MEP1B: variants seen among roughly 807,000 people sequenced by gnomAD.
MEP1B encodes meprin A subunit beta, also known as N-benzoyl-L-tyrosyl-P-amino-benzoic acid hydrolase subunit beta.
Under a neutral mutation model 84.6 loss-of-function variants are expected in MEP1B, and 80 were observed. The ratio of observed to expected loss-of-function variants is 0.95; its 90% CI spans 0.79 to 1.14. The LOEUF is 1.14. Ranked by LOEUF, MEP1B falls within the 50% of genes most tolerant of loss-of-function variation. The pLI, the probability that MEP1B is intolerant of heterozygous loss-of-function variation, is 0.00. For synonymous variants in MEP1B, 273 were observed against 288.1 expected (o/e 0.95, Z 0.53); for missense variants, 766 against 855.1 (o/e 0.90, Z 1.30).
chr18:32,220,182 A>G (rs769553406), intron 14 of MEP1B, 49 bp from the exon 15 acceptor site: 7 of 1,499,600 alleles, frequency 4.7e-6, no homozygotes, highest in Non-Finnish European at 6.4e-6. Context: ...TTTAAATAGC[A>G]GTTTTTAAAT....
At chr18:32,213,778 T>C (rs140419365) in intron 11 of MEP1B, among the ~76,000 whole-genome samples, 94 of 152,318 alleles carry the variant, frequency 6.2e-4, no homozygotes, top group Middle Eastern at 3.4e-3. Flanking sequence ...AAATGCTGAC[T>C]GTATTCCTAA....
chr18:32,209,109 A>G (rs2144412590), intron 9 of MEP1B, among the ~76,000 whole-genome samples: 1 of 152,312 alleles, frequency 6.6e-6, no homozygotes, highest in Non-Finnish European at 1.5e-5. Flanking sequence ...CTCTTTCATA[A>G]ATCGCCTGCT....
At chr18:32,195,281 C>T (rs2040841084) in intron 4 of MEP1B, 126 bp from the exon 5 acceptor site, 2 of 641,252 alleles carry the variant, frequency 3.1e-6, no homozygotes, top group Non-Finnish European at 5.6e-6. Flanking sequence ...CACACACACA[C>T]ACACACACAA....
At chr18:32,217,141 T>C in intron 13 of MEP1B, 24 bp downstream of exon 13, 5 of 1,607,326 alleles carry the variant, frequency 3.1e-6, no homozygotes, top group Non-Finnish European at 4.3e-6. Flanking sequence ...GAAAGAGATC[T>C]CTCCATTCTT....
At chr18:32,218,791 C>T (rs943553954) in intron 14 of MEP1B, among the ~76,000 whole-genome samples, 1 of 152,060 alleles carries the variant, frequency 6.6e-6, no homozygotes, top group Non-Finnish European at 1.5e-5. Context: ...AAGGGGGCTG[C>T]CCTCAAAGAG....
rs114015324 is a variant in MEP1B at position 32,218,610 on chromosome 18, C to T, written c.2091+645C>T. Among the ~76,000 whole-genome samples the T allele has an allele frequency of 1.2e-3, 189 of 152,204 alleles. 1 individual carries two copies. The highest frequency in any genetic ancestry group is 3.8e-3 in the African/African-American group (156 of 41,528). On this transcript the variant is annotated intron_variant, in intron 14 of 14. Coordinates refer to ENST00000269202, the MANE Select transcript of MEP1B (RefSeq NM_005925.3). ...TTTATTGGGGAGGGCTCCTGGAACA[C>T]GTATAATAGGCTGAGGGAGCTGGCC...
intron 1 of MEP1B, among the ~76,000 whole-genome samples, chr18:32,190,812 T>G (rs1387291208): frequency 2.6e-5 from 4 of 152,158 alleles, no homozygotes; most frequent in Non-Finnish European, 5.9e-5. Flanking sequence ...CATTCCTCTA[T>G]GAGTGTATGC....
chr18:32,196,367 G>T lies in MEP1B; in HGVS notation c.250+882G>T. The T allele has an allele frequency of 1.4e-6, 1 of 700,992 alleles. No individual in the cohort carries two copies. The allele number at this position is 700,992 out of a possible 1,614,324, so 43.4% of individuals were successfully genotyped here. On this transcript the variant is annotated intron_variant, in intron 5 of 14. Coordinates refer to ENST00000269202, the MANE Select transcript of MEP1B (RefSeq NM_005925.3). This position sits in a 1 kb window ranked among gnomAD's most constrained non-coding sequence, Gnocchi z 4.4. ...CGCAGGGCCACGGCCAGCTGGGTCA[G>T]GCACTTGAGGTACTCAGAGCTCTCC...
intron 1 of MEP1B, 86 bp downstream of exon 1, chr18:32,190,219 TG>T (rs2040788905): frequency 1.0e-6 from 1 of 953,168 alleles, no homozygotes; most frequent in Admixed American, 2.4e-5. Context: ...TTTTTTTGTT[TG>T]TTTTTTATAC....
chr18:32,193,122 A>G, intron 4 of MEP1B, among the ~76,000 whole-genome samples: 1 of 152,204 alleles, frequency 6.6e-6, no homozygotes, highest in East Asian at 1.9e-4. Context: ...ATTTTAAAAT[A>G]GGACCTCACA....
At position 32,196,638 on chromosome 18, in the gene MEP1B, T is replaced by A. The variant is rs1266828841; in HGVS notation, c.250+1153T>A. The A allele has an allele frequency of 2.8e-6, 2 of 706,874 alleles. No homozygotes were observed. The highest frequency in any genetic ancestry group is 1.9e-5 in the Admixed American group (1 of 53,120). The allele number at this position is 706,874 out of a possible 1,614,324, so 43.8% of individuals were successfully genotyped here. A position where few individuals can be genotyped will look rare whatever the true frequency, so the allele number is the denominator to read the frequency against. On this transcript the variant is annotated intron_variant, in intron 5 of 14. Transcript: ENST00000269202. The surrounding 1 kb of genome is among the most constrained non-coding windows in gnomAD (Gnocchi z 4.4). ...CACCCTGTGCAGCACCCGCCTGATG[T>A]TGTCCAGCACGCCACCTCGGGGTGT... is the stretch of plus-strand genomic sequence containing the variant.
At chr18:32,217,672 T>C (rs1464620334) in intron 13 of MEP1B, 89 bp from the exon 14 acceptor site, 3 of 1,086,814 alleles carry the variant, frequency 2.8e-6, no homozygotes, top group African/African-American at 3.1e-5. Flanking sequence ...GGTGATCAAA[T>C]AGACTAAAGG....
At chr18:32,192,080 C>T (rs1369086313) in intron 2 of MEP1B, among the ~76,000 whole-genome samples, 1 of 151,952 alleles carries the variant, frequency 6.6e-6, no homozygotes, top group East Asian at 1.9e-4. Context: ...CATAGACATC[C>T]CATAAATGCT....
rs372475868 is a variant in MEP1B at position 32,204,329 on chromosome 18, T to C, written c.516T>C (p.Tyr172=). The change falls in exon 7 of 15, where the codon TAT becomes TAC. Residue 172 remains tyrosine, a synonymous_variant. Coordinates refer to ENST00000269202, the MANE Select transcript of MEP1B (RefSeq NM_005925.3). ...HEQSRSDRDD[Y]VRIMWDRILS... Reference sequence around the variant, plus strand: ...AGTCGCGTTCTGACCGGGATGACTATGTCAGGATAATGTGGGACAGAATTC... The same window carrying C: ...AGTCGCGTTCTGACCGGGATGACTACGTCAGGATAATGTGGGACAGAATTC... The C allele has an allele frequency of 4.2e-5, 67 of 1,600,142 alleles. No individual in the cohort carries two copies. The highest frequency in any genetic ancestry group is 5.6e-5 in the Non-Finnish European group (66 of 1,173,538).
intron 9 of MEP1B, 44 bp downstream of exon 9, chr18:32,208,315 C>T (rs1439032892): frequency 2.0e-6 from 3 of 1,488,146 alleles, no homozygotes; most frequent in Non-Finnish European, 2.7e-6. Context: ...TCAGTGGCTA[C>T]AGCCACATAC....
At position 32,213,450 on chromosome 18, in the gene MEP1B, GC is replaced by G; in HGVS notation, c.1472del (p.Pro491HisfsTer9). On this transcript the variant is annotated frameshift_variant, in exon 11 of 15. Coordinates refer to ENST00000269202, the MANE Select transcript of MEP1B (RefSeq NM_005925.3). LOFTEE classifies it high-confidence loss of function. ...GAGCCAATGATGATCAATTACAGTG[GC>G]CATGTCCTTGGCAACAAGCCACAAT... is the stretch of plus-strand genomic sequence containing the variant. ...SGANDDQLQW[P>X]CPWQQATMTL... 1 of 1,613,820 alleles carries G rather than the reference GC, an allele frequency of 6.2e-7. No individual in the cohort carries two copies. The highest frequency in any genetic ancestry group is 1.1e-5 in the South Asian group (1 of 91,070).
intron 5 of MEP1B, among the ~76,000 whole-genome samples, chr18:32,199,841 AT>A (rs2040894044): frequency 6.6e-6 from 1 of 151,998 alleles, no homozygotes; most frequent in East Asian, 1.9e-4. Flanking sequence ...TGTCCAGCTA[AT>A]TTTTTGTATT....
At chr18:32,209,378 T>C (rs1036698908) in intron 9 of MEP1B, among the ~76,000 whole-genome samples, 3 of 151,774 alleles carry the variant, frequency 2.0e-5, no homozygotes, top group Non-Finnish European at 2.9e-5. Context: ...TCCCAGCTAG[T>C]TGGGTGACTG....
At chr18:32,198,057 A>G (rs1377182531) in intron 5 of MEP1B, among the ~76,000 whole-genome samples, 1 of 152,236 alleles carries the variant, frequency 6.6e-6, no homozygotes, top group Non-Finnish European at 1.5e-5. Context: ...AAAGTGAATT[A>G]TGATAGAATG....
Sources: gnomAD v4.1 joint callset for allele counts (sites outside exome capture counted in the v4.1 genomes callset) on GRCh38, gnomAD v4.1.1 for gene constraint, Gnocchi (gnomAD v3.1) non-coding constraint, MANE v1.5 for transcripts, NCBI Gene and HGNC (gene_info 2026-07-23, HGNC 2026-07-21) for gene names.